The following SETBP1 variants were observed in gnomAD, a reference collection of about 807,000 sequenced individuals.
The protein encoded by SETBP1 is SET binding protein 1, also known as SET-binding protein.
SETBP1 carries 9 observed loss-of-function variants against 101.0 expected under a neutral mutation model. The ratio of observed to expected loss-of-function variants is 0.09; its 90% CI spans 0.05 to 0.16. The LOEUF is 0.16. Ranked by LOEUF, SETBP1 falls within the 10% of genes least tolerant of loss-of-function variation. The probability of loss-of-function intolerance (pLI) is 1.00; values close to 1 mark genes in which losing one functional copy is unlikely to be tolerated. For synonymous variants in SETBP1, 818 were observed against 788.5 expected, an observed-to-expected ratio of 1.04 and a Z score of -0.63; for missense variants, 1,858 against 2,033.8, an observed-to-expected ratio of 0.91 and a Z score of 1.66.
intron 4 of SETBP1, among the ~76,000 whole-genome samples, chr18:45,006,726 T>G (rs962759878): frequency 3.3e-5 from 5 of 152,196 alleles, no homozygotes; most frequent in Admixed American, 6.5e-5. Context: ...TTGATTACTC[T>G]ATAAAGACTT....
At chr18:44,900,185 C>T (rs2070009377) in intron 3 of SETBP1, among the ~76,000 whole-genome samples, 1 of 152,188 alleles carries the variant, frequency 6.6e-6, no homozygotes, top group African/African-American at 2.4e-5. Context: ...TCATTAGTAC[C>T]TGTTAGAAAT....
intron 2 of SETBP1, among the ~76,000 whole-genome samples, chr18:44,703,267 A>G (rs541768448): frequency 6.7e-6 from 1 of 149,208 alleles, no homozygotes; most frequent in East Asian, 2.1e-4. Context: ...AGATATGTGG[A>G]TCAGCTAAAA....
intron 3 of SETBP1, among the ~76,000 whole-genome samples, chr18:44,910,493 G>T (rs1225428273): frequency 6.6e-6 from 1 of 152,100 alleles, no homozygotes; most frequent in Non-Finnish European, 1.5e-5. Context: ...TCTGTGAGTT[G>T]AACTGAATTG....
rs369385623 is a variant in SETBP1 at position 44,950,550 on chromosome 18, A to G, written c.1210A>G (p.Ile404Val). The change falls in exon 4 of 6, where the codon ATC becomes GTC. Residue 404 changes from isoleucine (I) to valine (V), a missense_variant. Transcript: ENST00000649279. ...ENDSSHVRIT[I>V]PIKAPSLDPT... ...TGACTCAAGTCATGTCCGGATTACT[A>G]TCCCCATCAAGGCACCCTCTCTGGA... The G allele has an allele frequency of 9.9e-6, 16 of 1,613,962 alleles. No individual in the cohort carries two copies. The African/African-American group carries it at 1.1e-4, about 11-fold the overall frequency.
chr18:44,915,848 G>T (rs1278326840), intron 3 of SETBP1, among the ~76,000 whole-genome samples: 2 of 152,110 alleles, frequency 1.3e-5, no homozygotes, highest in East Asian at 3.8e-4. Flanking sequence ...GAGGAAACAG[G>T]GCAGGGGCAA....
At chr18:44,729,797 GA>G (rs1257727160) in intron 2 of SETBP1, among the ~76,000 whole-genome samples, 2 of 151,616 alleles carry the variant, frequency 1.3e-5, no homozygotes, top group Non-Finnish European at 2.9e-5. Context: ...AGCAGAGGCA[GA>G]AAAAAAAAGT....
chr18:44,724,146 C>A (rs1464879163), intron 2 of SETBP1, among the ~76,000 whole-genome samples: 2 of 152,120 alleles, frequency 1.3e-5, no homozygotes, highest in Non-Finnish European at 2.9e-5. Flanking sequence ...AATGATGAGT[C>A]CCAGTGGTTC....
intron 4 of SETBP1, among the ~76,000 whole-genome samples, chr18:44,981,976 A>G (rs1407132805): frequency 1.3e-5 from 2 of 152,194 alleles, no homozygotes; most frequent in African/African-American, 2.4e-5. Flanking sequence ...TGCCATATAC[A>G]TTGGAAATGT....
chr18:44,860,560 C>T (rs2068981402), intron 2 of SETBP1, among the ~76,000 whole-genome samples: 1 of 151,976 alleles, frequency 6.6e-6, no homozygotes, highest in Non-Finnish European at 1.5e-5. Context: ...CCAGCCTGGC[C>T]AATGTGGCAA....
rs562367925 is a variant in SETBP1, at chr18:44,891,470, T to C, written c.540+22187T>C. The stretch of plus-strand genomic sequence containing the variant: ...TTTACCTCTGAATATAGGACAGAGG[T>C]GGATTATATTGGGCCTCATTATAAG... On this transcript the variant is annotated intron_variant, in intron 3 of 5. Coordinates refer to ENST00000649279, the MANE Select transcript of SETBP1 (RefSeq NM_015559.3). Among the ~76,000 whole-genome samples the C allele has an allele frequency of 2.2e-3, 338 of 152,178 alleles. 1 individual carries two copies. Among genetic ancestry groups the C allele is most frequent in the African/African-American group, 7.1e-3 (296 of 41,528 alleles).
At chr18:45,019,654 C>G (rs2073016886) in intron 4 of SETBP1, among the ~76,000 whole-genome samples, 2 of 152,036 alleles carry the variant, frequency 1.3e-5, no homozygotes, top group Admixed American at 1.3e-4. Context: ...TAGTTGTGGC[C>G]TAATTGCACA....
intron 2 of SETBP1, among the ~76,000 whole-genome samples, chr18:44,821,519 C>G: frequency 6.6e-6 from 1 of 152,228 alleles, no homozygotes; most frequent in East Asian, 1.9e-4. Context: ...ACTACCTCAC[C>G]CATGGCTGGA....
chr18:44,742,705 C>T (rs1165900354), intron 2 of SETBP1, among the ~76,000 whole-genome samples: 3 of 152,200 alleles, frequency 2.0e-5, no homozygotes, highest in African/African-American at 7.2e-5. Context: ...GAGGGCCAGC[C>T]TGCCTCTGTG....
chr18:45,004,338 G>T (rs976151827), intron 4 of SETBP1, among the ~76,000 whole-genome samples: 13 of 152,194 alleles, frequency 8.5e-5, no homozygotes, highest in Admixed American at 3.3e-4. Flanking sequence ...TTACACCGAT[G>T]GTTGGCGTGA....
At position 44,952,349 on chromosome 18, in the gene SETBP1, G is replaced by A. The variant is rs142295785; in HGVS notation, c.3009G>A (p.Pro1003=). 1.0e-4 allele frequency: 164 copies of A among 1,614,034 alleles called. No individual in the cohort carries two copies. The highest frequency in any genetic ancestry group is 4.9e-4 in the South Asian group (45 of 91,068). ...CGGTGCCATATATCCAGTATGACCC[G>A]TTGCTCTATCTTCGTAGGACTTCAG... ...YYPVPYIQYD[P]LLYLRRTSDL... is the part of the protein sequence containing the mutation. The change falls in exon 4 of 6, where the codon CCG becomes CCA. Residue 1003 remains proline (P), a synonymous_variant. Coordinates refer to ENST00000649279, the MANE Select transcript of SETBP1 (RefSeq NM_015559.3).
At chr18:45,033,877 CAT>C (rs1393276577) in intron 4 of SETBP1, among the ~76,000 whole-genome samples, 1 of 152,210 alleles carries the variant, frequency 6.6e-6, no homozygotes, top group Non-Finnish European at 1.5e-5. Context: ...AGACATATCA[CAT>C]GACCTCTCTG....
intron 2 of SETBP1, among the ~76,000 whole-genome samples, chr18:44,749,623 CTT>C (rs1442263848): frequency 6.6e-6 from 1 of 152,050 alleles, no homozygotes; most frequent in Non-Finnish European, 1.5e-5. Flanking sequence ...CATGTGGGTC[CTT>C]TTTTAAAAGA....
chr18:44,974,260 C>G (rs1184736583), intron 4 of SETBP1, among the ~76,000 whole-genome samples: 1 of 152,110 alleles, frequency 6.6e-6, no homozygotes, highest in African/African-American at 2.4e-5. Context: ...AACCATGGCT[C>G]TACCAGAAGA....
chr18:44,995,131 T>C (rs1295212057), intron 4 of SETBP1, among the ~76,000 whole-genome samples: 1 of 148,796 alleles, frequency 6.7e-6, no homozygotes, highest in Non-Finnish European at 1.5e-5. Flanking sequence ...GACCATGTTA[T>C]TTACTTTTTT....
Sources: gnomAD v4.1 joint callset for allele counts (sites outside exome capture counted in the v4.1 genomes callset) on GRCh38, gnomAD v4.1.1 for gene constraint, MANE v1.5 for transcripts, NCBI Gene and HGNC (gene_info 2026-07-23, HGNC 2026-07-21) for gene names.